RELN: variants seen among roughly 807,000 people sequenced by gnomAD.
RELN encodes the protein reelin.
RELN carries 108 observed loss-of-function variants against 427.6 expected under a neutral mutation model. The ratio of observed to expected loss-of-function variants is 0.25; its 90% CI spans 0.22 to 0.30. RELN has a LOEUF of 0.30. RELN is among the 10% of genes least tolerant of loss of function. The probability of loss-of-function intolerance (pLI) is 1.00; values close to 1 mark genes in which losing one functional copy is unlikely to be tolerated. For synonymous variants in RELN, 1,524 were observed against 1,513.4 expected (o/e 1.01, Z -0.16); for missense variants, 3,715 against 4,302.8 (o/e 0.86, Z 3.82).
intron 4 of RELN, among the ~76,000 whole-genome samples, chr7:103,774,112 A>G (rs757990510): frequency 6.6e-6 from 1 of 152,016 alleles, no homozygotes; most frequent in African/African-American, 2.4e-5. Flanking sequence ...CCTGGCCAAC[A>G]TGGTGAAACC....
rs1795305379 is a variant in RELN at position 103,909,720 on chromosome 7, TAAATATATTTTTTAATATATATAA to T, written c.337+7331_337+7354del. ...ATATTTAATATATATAAATATATAT[TAAATATATTTTTTAATATATATAA>T]ATATATATATTAAATATATATATTT... On this transcript the variant is annotated intron_variant, in intron 2 of 64. Coordinates refer to ENST00000428762, the MANE Select transcript of RELN (RefSeq NM_005045.4). Among the ~76,000 whole-genome samples, 13 of 33,198 alleles carry T rather than the reference TAAATATATTTTTTAATATATATAA, an allele frequency of 3.9e-4. 1 individual carries two copies. In the Admixed American group the frequency reaches 4.1e-3, roughly 11 times the overall value. The allele number at this position is 33,198 out of a possible 152,430, so 21.8% of individuals were successfully genotyped here.
chr7:103,864,846 G>T (rs189361678), intron 2 of RELN, among the ~76,000 whole-genome samples: 2 of 152,038 alleles, frequency 1.3e-5, no homozygotes, highest in African/African-American at 4.8e-5. Context: ...AATTGGAAAT[G>T]AAAGAGGAGT....
At chr7:103,664,490 ATC>A (rs913351880) in intron 11 of RELN, among the ~76,000 whole-genome samples, 4 of 152,204 alleles carry the variant, frequency 2.6e-5, no homozygotes, top group African/African-American at 4.8e-5. Context: ...TCACGAAGGA[ATC>A]TCTGCTGAGA....
chr7:103,913,323 C>G (rs531367517), intron 2 of RELN, among the ~76,000 whole-genome samples: 1 of 152,236 alleles, frequency 6.6e-6, no homozygotes, highest in Admixed American at 6.5e-5. Context: ...TCAGAAGTAC[C>G]TATTTAGACT....
At chr7:103,503,327 A>G (rs1829098784) in intron 51 of RELN, 97 bp from the exon 52 acceptor site, 1 of 898,138 alleles carries the variant, frequency 1.1e-6, no homozygotes, top group Admixed American at 1.8e-5. Context: ...CACTTGATAT[A>G]CACTGTACCA....
intron 31 of RELN, among the ~76,000 whole-genome samples, chr7:103,571,858 A>G (rs927736477): frequency 6.6e-6 from 1 of 152,148 alleles, no homozygotes; most frequent in African/African-American, 2.4e-5. Flanking sequence ...CTTCCATGCT[A>G]TATGTAAGAG....
intron 2 of RELN, among the ~76,000 whole-genome samples, chr7:103,859,902 G>A (rs1794032946): frequency 6.6e-6 from 1 of 152,006 alleles, no homozygotes. Context: ...TCCAATGTAA[G>A]ACACCAAGAT....
intron 1 of RELN, among the ~76,000 whole-genome samples, chr7:103,945,261 C>T (rs1302391093): frequency 6.6e-6 from 1 of 152,134 alleles, no homozygotes; most frequent in Non-Finnish European, 1.5e-5. Context: ...CCAACCCCTG[C>T]CAAAGAAATC....
At chr7:103,549,919 T>A (rs932322459) in intron 41 of RELN, among the ~76,000 whole-genome samples, 7 of 152,224 alleles carry the variant, frequency 4.6e-5, no homozygotes, top group Admixed American at 2.6e-4. Flanking sequence ...CAGTGGTAGC[T>A]TTCTGGTTTT....
chr7:103,571,803 A>C (rs2117200076), intron 31 of RELN, among the ~76,000 whole-genome samples: 1 of 152,300 alleles, frequency 6.6e-6, no homozygotes. Context: ...GCCGAAGTAG[A>C]CTTTGATCTG....
intron 3 of RELN, among the ~76,000 whole-genome samples, chr7:103,799,023 A>G (rs1156937001): frequency 6.6e-6 from 1 of 151,778 alleles, no homozygotes; most frequent in Non-Finnish European, 1.5e-5. Flanking sequence ...TTTCAGACCT[A>G]CCCCCTCTTT....
chr7:103,877,897 C>T (rs1027276509), intron 2 of RELN, among the ~76,000 whole-genome samples: 1 of 146,382 alleles, frequency 6.8e-6, no homozygotes, highest in East Asian at 2.0e-4. Context: ...TGCTCTGTAC[C>T]CTGGCTGGAG....
intron 29 of RELN, 41 bp downstream of exon 29, chr7:103,575,507 A>G: frequency 1.9e-6 from 3 of 1,589,506 alleles, no homozygotes; most frequent in Non-Finnish European, 1.7e-6. Context: ...AGAGATGACT[A>G]TTTTACAATA....
chr7:103,704,194 T>C (rs1834151576), intron 8 of RELN, among the ~76,000 whole-genome samples: 1 of 152,204 alleles, frequency 6.6e-6, no homozygotes, highest in South Asian at 2.1e-4. Context: ...TCATAGCAAC[T>C]GTCACACTAT....
At chr7:103,823,824 C>CA (rs1793065876) in intron 3 of RELN, among the ~76,000 whole-genome samples, 1 of 152,030 alleles carries the variant, frequency 6.6e-6, no homozygotes, top group Non-Finnish European at 1.5e-5. Context: ...TACTGAAGGG[C>CA]ATCCTTTAAA....
intron 6 of RELN, among the ~76,000 whole-genome samples, chr7:103,735,674 G>A (rs1038105152): frequency 1.3e-5 from 2 of 152,170 alleles, no homozygotes; most frequent in Non-Finnish European, 2.9e-5. Context: ...CACTCAGCCT[G>A]TAGTCAGGTA....
chr7:103,643,059 T>C (rs1266317399), intron 16 of RELN, among the ~76,000 whole-genome samples: 1 of 152,102 alleles, frequency 6.6e-6, no homozygotes, highest in Non-Finnish European at 1.5e-5. Context: ...TTCATATTGG[T>C]TCATCAGCAA....
chr7:103,654,453 T>A (rs1470459902), intron 12 of RELN, among the ~76,000 whole-genome samples: 2 of 152,120 alleles, frequency 1.3e-5, no homozygotes, highest in Non-Finnish European at 2.9e-5. Flanking sequence ...ATTACTCAAA[T>A]AATTGTCTAC....
chr7:103,603,030 T>C lies in RELN; in HGVS notation c.3333+274A>G, dbSNP rs1354388567. 6.6e-6 allele frequency among the ~76,000 whole-genome samples: 1 copy of C among 151,898 alleles called. No homozygotes were observed. Among genetic ancestry groups the C allele is most frequent in the Non-Finnish European group, 1.5e-5 (1 of 68,016 alleles). ...CTCAATACACAAGCCTGGCTGGAAATGAAGGAAAGGAAAGTAATGGTATTT... is the reference window on the plus strand; with the variant it reads ...CTCAATACACAAGCCTGGCTGGAAACGAAGGAAAGGAAAGTAATGGTATTT... On this transcript the variant is annotated intron_variant, in intron 24 of 64. Coordinates refer to ENST00000428762, the MANE Select transcript of RELN (RefSeq NM_005045.4). The surrounding 1 kb of genome is among the most constrained non-coding windows in gnomAD (Gnocchi z 4.3).
Sources: allele counts gnomAD v4.1 joint callset (sites outside exome capture counted in the v4.1 genomes callset), GRCh38; gene constraint gnomAD v4.1.1; non-coding constraint Gnocchi (gnomAD v3.1); transcripts MANE v1.5; gene names NCBI Gene and HGNC (gene_info 2026-07-23, HGNC 2026-07-21).